Variants in GRM1 observed in about 807,000 individuals in gnomAD.
GRM1 encodes the protein metabotropic glutamate receptor 1.
GRM1 carries 33 observed loss-of-function variants against 90.9 expected under a neutral mutation model. The observed-to-expected ratio is 0.36, with a 90% CI of 0.28 to 0.49. The LOEUF is 0.49. GRM1 is among the 20% of genes least tolerant of loss of function. The pLI is 0.99. For synonymous variants in GRM1, 700 were observed against 613.2 expected, an observed-to-expected ratio of 1.14 and a Z score of -2.09; for missense variants, 1,190 against 1,534.3, an observed-to-expected ratio of 0.78 and a Z score of 3.75.
In GRM1 at chr6:146,141,178, G is replaced by A. The variant is rs116873395; in HGVS notation, c.701-18170G>A. ...ATTCCAGAGTAAAAGATTTTTTTTC[G>A]TCCTGCATTTTAAATATGTCATGAC... On this transcript the variant is annotated intron_variant, in intron 1 of 7. Transcript: ENST00000282753. Among the ~76,000 whole-genome samples the A allele has an allele frequency of 3.7e-3, 553 of 151,008 alleles. 1 individual carries two copies. The highest frequency in any genetic ancestry group is 0.014 in the Middle Eastern group (4 of 292).
At chr6:146,413,588 A>G in intron 7 of GRM1, among the ~76,000 whole-genome samples, 1 of 152,150 alleles carries the variant, frequency 6.6e-6, no homozygotes, top group Admixed American at 6.5e-5. Flanking sequence ...GTATAATTAT[A>G]TACAATAATA....
intron 2 of GRM1, among the ~76,000 whole-genome samples, chr6:146,296,105 T>C (rs933282278): frequency 6.6e-6 from 1 of 152,200 alleles, no homozygotes; most frequent in Non-Finnish European, 1.5e-5. Flanking sequence ...ACATTTTCTT[T>C]ATCCAATCTG....
At chr6:146,322,547 C>T (rs940824789) in intron 3 of GRM1, among the ~76,000 whole-genome samples, 4 of 148,728 alleles carry the variant, frequency 2.7e-5, no homozygotes, top group African/African-American at 1.0e-4. Context: ...TTTTATCTAT[C>T]AGCACCTGAC....
At chr6:146,292,900 C>G (rs929940193) in intron 2 of GRM1, among the ~76,000 whole-genome samples, 2 of 151,864 alleles carry the variant, frequency 1.3e-5, no homozygotes, top group Non-Finnish European at 2.9e-5. Context: ...ATAAACAAAT[C>G]GTAGTATACT....
chr6:146,414,382 T>TATTATTATG (rs951750084), intron 7 of GRM1, among the ~76,000 whole-genome samples: 19 of 148,854 alleles, frequency 1.3e-4, no homozygotes, highest in African/African-American at 4.7e-4. Context: ...TGCCTTTTAT[T>TATTATTATG]ATTATTATTA....
At chr6:146,119,775 G>C (rs1198189921) in intron 1 of GRM1, among the ~76,000 whole-genome samples, 5 of 152,048 alleles carry the variant, frequency 3.3e-5, no homozygotes, top group African/African-American at 4.8e-5. Flanking sequence ...ATTTCTGAGG[G>C]CTCTGTTCTG....
chr6:146,204,183 T>G (rs1243584591), intron 2 of GRM1, among the ~76,000 whole-genome samples: 3 of 152,186 alleles, frequency 2.0e-5, no homozygotes, highest in Admixed American at 1.3e-4. Flanking sequence ...CACAAGCCCT[T>G]TATTTTTGGT....
At chr6:146,065,049 C>T (rs1327194616) in intron 1 of GRM1, among the ~76,000 whole-genome samples, 1 of 152,020 alleles carries the variant, frequency 6.6e-6, no homozygotes, top group Non-Finnish European at 1.5e-5. Context: ...CCTTATAAAA[C>T]TTTTAATATT....
intron 2 of GRM1, among the ~76,000 whole-genome samples, chr6:146,203,328 C>T (rs1779385456): frequency 6.6e-6 from 1 of 151,956 alleles, no homozygotes; most frequent in Non-Finnish European, 1.5e-5. Flanking sequence ...CCATTTGTGC[C>T]GCTATTCCCT....
At chr6:146,041,276 G>C (rs552037071) in intron 1 of GRM1, among the ~76,000 whole-genome samples, 44 of 152,078 alleles carry the variant, frequency 2.9e-4, no homozygotes, top group Admixed American at 6.5e-4. Flanking sequence ...TTACCCATTT[G>C]GGAAGGTTAT....
chr6:146,149,428 G>T (rs780418013), intron 1 of GRM1, among the ~76,000 whole-genome samples: 3 of 152,138 alleles, frequency 2.0e-5, no homozygotes, highest in Non-Finnish European at 4.4e-5. Flanking sequence ...TCCACTTTCA[G>T]ATTCTACAGC....
chr6:146,058,593 A>C (rs982048168), intron 1 of GRM1, among the ~76,000 whole-genome samples: 2 of 152,114 alleles, frequency 1.3e-5, no homozygotes, highest in Non-Finnish European at 2.9e-5. Context: ...GCAATTTCTT[A>C]ATATAAGACA....
At chr6:146,416,218 T>A (rs1367176927) in intron 7 of GRM1, among the ~76,000 whole-genome samples, 2 of 152,032 alleles carry the variant, frequency 1.3e-5, no homozygotes, top group Non-Finnish European at 2.9e-5. Flanking sequence ...GTAATATAAA[T>A]GCTGACATAA....
chr6:146,429,468 G>A (rs1016813819), intron 7 of GRM1, among the ~76,000 whole-genome samples: 10 of 152,174 alleles, frequency 6.6e-5, no homozygotes, highest in African/African-American at 2.4e-4. Flanking sequence ...AGGTTGCCTG[G>A]GAAAACAGAA....
chr6:146,267,279 G>C lies in GRM1; in HGVS notation c.951-37332G>C, dbSNP rs149766685. On this transcript the variant is annotated intron_variant, in intron 2 of 7. Coordinates refer to ENST00000282753, the MANE Select transcript of GRM1 (RefSeq NM_001278064.2). ...TATATGTACGGCATTTTTTTATCCA[G>C]TCTGTCATTGATGGGCATTTAGGTT... is the stretch of plus-strand genomic sequence containing the variant. Among the ~76,000 whole-genome samples, 11 of 152,184 alleles carry C rather than the reference G, an allele frequency of 7.2e-5. No individual in the cohort carries two copies. In the East Asian group the frequency reaches 2.1e-3, roughly 29 times the overall value.
chr6:146,427,193 T>C lies in GRM1; in HGVS notation c.2661-6679T>C, dbSNP rs554259516. Among the ~76,000 whole-genome samples the C allele has an allele frequency of 3.3e-5, 5 of 152,226 alleles. No homozygotes were observed. The South Asian group carries it at 1.0e-3, about 32-fold the overall frequency. On this transcript the variant is annotated intron_variant, in intron 7 of 7. Transcript: ENST00000282753. ...AAAGTTTTGTGAGTCCCACAAAAAG[T>C]ACACTTTACAAAAAGGAAAAGTAGT... is the stretch of plus-strand genomic sequence containing the variant.
chr6:146,331,028 C>A (rs1030776755), intron 3 of GRM1, among the ~76,000 whole-genome samples: 1 of 152,124 alleles, frequency 6.6e-6, no homozygotes, highest in Non-Finnish European at 1.5e-5. Context: ...GACAAGGAAG[C>A]ACATACTATA....
intron 6 of GRM1, among the ~76,000 whole-genome samples, chr6:146,391,313 T>A (rs1776712638): frequency 6.6e-6 from 1 of 152,082 alleles, no homozygotes; most frequent in Non-Finnish European, 1.5e-5. Flanking sequence ...TTTTGCTCAG[T>A]AATTTGTAGT....
chr6:146,155,980 G>A (rs1484686871), intron 1 of GRM1, among the ~76,000 whole-genome samples: 1 of 152,216 alleles, frequency 6.6e-6, no homozygotes, highest in Middle Eastern at 3.2e-3. Context: ...TGGATGCCGG[G>A]AGGCCAATCA....
Sources: gnomAD v4.1 joint callset for allele counts (sites outside exome capture counted in the v4.1 genomes callset) on GRCh38, gnomAD v4.1.1 for gene constraint, MANE v1.5 for transcripts, NCBI Gene and HGNC (gene_info 2026-07-23, HGNC 2026-07-21) for gene names.